The following ZNF704 variants were observed in gnomAD, a reference collection of about 807,000 sequenced individuals.
The protein encoded by ZNF704 is glucocorticoid induced gene 1.
Under a neutral mutation model 44.7 loss-of-function variants are expected in ZNF704, and 10 were observed. That is an observed-to-expected ratio of 0.22 (90% confidence interval 0.14 to 0.38). ZNF704 has a LOEUF of 0.38. ZNF704 is among the 10% of genes least tolerant of loss of function. The pLI is 1.00. For synonymous variants in ZNF704, 211 were observed against 207.6 expected (o/e 1.02, Z -0.14); for missense variants, 390 against 545.5 (o/e 0.71, Z 2.84).
intron 2 of ZNF704, among the ~76,000 whole-genome samples, chr8:80,698,471 T>C (rs1002786581): frequency 2.0e-5 from 3 of 152,100 alleles, no homozygotes; most frequent in African/African-American, 7.2e-5. Flanking sequence ...AGGGAGGGCC[T>C]TCCATGCTCT....
At chr8:80,656,059 G>C (rs998999375) in intron 7 of ZNF704, among the ~76,000 whole-genome samples, 1 of 152,212 alleles carries the variant, frequency 6.6e-6, no homozygotes, top group Non-Finnish European at 1.5e-5. Context: ...GGTCATAAGG[G>C]TGGGGCCCTG....
At chr8:80,688,728 GGA>G (rs747501659) in intron 3 of ZNF704, among the ~76,000 whole-genome samples, 2 of 152,298 alleles carry the variant, frequency 1.3e-5, no homozygotes, top group East Asian at 3.9e-4. Context: ...TTGCTAATGT[GGA>G]GAGATTTCTG....
intron 2 of ZNF704, among the ~76,000 whole-genome samples, chr8:80,724,482 A>C (rs1806436992): frequency 6.6e-6 from 1 of 152,168 alleles, no homozygotes; most frequent in African/African-American, 2.4e-5. Context: ...GCCCCTGTCT[A>C]TTTTAATTGT....
intron 2 of ZNF704, among the ~76,000 whole-genome samples, chr8:80,806,813 C>T (rs1169336099): frequency 6.6e-6 from 1 of 152,202 alleles, no homozygotes; most frequent in Non-Finnish European, 1.5e-5. Context: ...CCAAACAGAG[C>T]AGCATCCTTC....
At chr8:80,653,823 G>A (rs1371732308) in intron 7 of ZNF704, among the ~76,000 whole-genome samples, 1 of 151,950 alleles carries the variant, frequency 6.6e-6, no homozygotes, top group African/African-American at 2.4e-5. Flanking sequence ...CTTTCTTCAC[G>A]AATCGGAAAA....
At chr8:80,645,591 GT>G (rs1817818052) in intron 7 of ZNF704, among the ~76,000 whole-genome samples, 1 of 152,046 alleles carries the variant, frequency 6.6e-6, no homozygotes, top group Non-Finnish European at 1.5e-5. Flanking sequence ...TCACTCTTGA[GT>G]TTACATAAGA....
At chr8:80,870,731 G>A (rs963335125) in intron 1 of ZNF704, among the ~76,000 whole-genome samples, 7 of 151,718 alleles carry the variant, frequency 4.6e-5, no homozygotes, top group African/African-American at 1.7e-4. Context: ...TCCTCTCTTG[G>A]CCCCCTGCAC....
intron 4 of ZNF704, among the ~76,000 whole-genome samples, chr8:80,679,575 T>C (rs1053661431): frequency 1.3e-5 from 2 of 152,202 alleles, no homozygotes; most frequent in Non-Finnish European, 1.5e-5. Flanking sequence ...CACCATCTCA[T>C]GGATAACAGC....
chr8:80,774,275 G>T (rs1029467190), intron 2 of ZNF704, among the ~76,000 whole-genome samples: 1 of 151,940 alleles, frequency 6.6e-6, no homozygotes, highest in Non-Finnish European at 1.5e-5. Flanking sequence ...TCTTTATGTT[G>T]GTCAGGCTGA....
intron 2 of ZNF704, among the ~76,000 whole-genome samples, chr8:80,713,498 C>A (rs574432709): frequency 6.6e-5 from 10 of 152,124 alleles, no homozygotes; most frequent in African/African-American, 2.2e-4. Flanking sequence ...GTCTTTTCCA[C>A]GTTTGTATCA....
Position 80,637,964 on chromosome 8 carries a change from G to C in ZNF704, c.*3402C>G, listed in dbSNP as rs1817687512. ...CATTCTCTCCTTGCTTCAGGCAGCT[G>C]CTCCCAGAGGAGAAAATGGCAGCTC... On this transcript the variant is annotated 3_prime_UTR_variant, in exon 9 of 9. Coordinates refer to ENST00000327835, the MANE Select transcript of ZNF704 (RefSeq NM_001033723.3). 6.6e-6 allele frequency: 1 copy of C among 152,286 alleles called. No homozygotes were observed. Among genetic ancestry groups the C allele is most frequent in the African/African-American group, 2.4e-5 (1 of 41,468 alleles). The allele number at this position is 152,286 out of a possible 1,614,324, so 9.4% of individuals were successfully genotyped here.
At chr8:80,869,788 T>C (rs1214194763) in intron 1 of ZNF704, among the ~76,000 whole-genome samples, 2 of 152,204 alleles carry the variant, frequency 1.3e-5, no homozygotes, top group Non-Finnish European at 2.9e-5. Flanking sequence ...CCTGACTACA[T>C]TGCATTATGC....
intron 2 of ZNF704, among the ~76,000 whole-genome samples, chr8:80,813,478 A>C (rs1350332253): frequency 2.0e-5 from 3 of 152,204 alleles, no homozygotes; most frequent in African/African-American, 7.2e-5. Context: ...ACATCAACCA[A>C]AAGAAGAAGA....
intron 4 of ZNF704, among the ~76,000 whole-genome samples, chr8:80,679,701 T>C (rs1172498679): frequency 3.3e-5 from 5 of 152,300 alleles, no homozygotes; most frequent in South Asian, 4.1e-4. Flanking sequence ...GAGGCCACCA[T>C]TGATTGGGAA....
chr8:80,691,433 C>T (rs1818633648), intron 3 of ZNF704, among the ~76,000 whole-genome samples: 1 of 152,206 alleles, frequency 6.6e-6, no homozygotes, highest in Admixed American at 6.5e-5. Flanking sequence ...CCTTCTGAAG[C>T]ATCAGACACT....
chr8:80,665,033 T>C lies in ZNF704; in HGVS notation c.709A>G (p.Thr237Ala), dbSNP rs1818168134. 1 of 1,614,082 alleles carries C rather than the reference T, an allele frequency of 6.2e-7. No individual in the cohort carries two copies. Among genetic ancestry groups the C allele is most frequent in the African/African-American group, 1.3e-5 (1 of 74,918 alleles). The change falls in exon 6 of 9, where the codon ACT becomes GCT. Residue 237 changes from threonine to alanine, a missense_variant. Thr to Ala is a moderately conservative substitution (Grantham distance 58). Coordinates refer to ENST00000327835, the MANE Select transcript of ZNF704 (RefSeq NM_001033723.3). ...YSDGEEDFYY[T>A]EIKLNTDSVA... Reference sequence around the variant, plus strand: ...GAGTCTGTGTTGAGCTTGATCTCAGTGTAGTAAAAGTCCTCTTCTCCATCA... The same window carrying C: ...GAGTCTGTGTTGAGCTTGATCTCAGCGTAGTAAAAGTCCTCTTCTCCATCA...
At chr8:80,858,639 C>T (rs532532100) in intron 1 of ZNF704, among the ~76,000 whole-genome samples, 3 of 151,734 alleles carry the variant, frequency 2.0e-5, no homozygotes, top group East Asian at 1.9e-4. Flanking sequence ...AGGCTGAGGC[C>T]GTGCCACTGC....
chr8:80,714,683 G>C (rs986443509), intron 2 of ZNF704, among the ~76,000 whole-genome samples: 3 of 152,128 alleles, frequency 2.0e-5, no homozygotes, highest in African/African-American at 7.2e-5. Context: ...CTCAAAAATT[G>C]AATTTCTCTT....
At position 80,640,313 on chromosome 8, in the gene ZNF704, C is replaced by T. The variant is rs1319983496; in HGVS notation, c.*1053G>A. The T allele has an allele frequency of 2.0e-5, 3 of 152,598 alleles. No individual in the cohort carries two copies. The highest frequency in any genetic ancestry group is 7.2e-5 in the African/African-American group (3 of 41,418). 9.5% of individuals were successfully genotyped at this position (152,598 alleles called of 1,614,324 possible). A position where few individuals can be genotyped will look rare whatever the true frequency, so the allele number is the denominator to read the frequency against. On this transcript the variant is annotated 3_prime_UTR_variant, in exon 9 of 9. Transcript: ENST00000327835. Reference sequence around the variant, plus strand: ...TGTTGATCTAACATGACTTTCTGAACAGGTAGGGCCATGTGGGCTGTGCTC... The same window carrying T: ...TGTTGATCTAACATGACTTTCTGAATAGGTAGGGCCATGTGGGCTGTGCTC...
Sources: allele counts gnomAD v4.1 joint callset (sites outside exome capture counted in the v4.1 genomes callset), GRCh38; gene constraint gnomAD v4.1.1; transcripts MANE v1.5; gene names NCBI Gene and HGNC (gene_info 2026-07-23, HGNC 2026-07-21).